VCPIP1: variants seen among roughly 807,000 people sequenced by gnomAD.
VCPIP1 encodes the protein deubiquitinating protein VCPIP1.
In VCPIP1, 8 loss-of-function variants were observed where a neutral mutation model predicts 85.0. The observed-to-expected ratio is 0.09, with a 90% CI of 0.06 to 0.17. The LOEUF (loss-of-function observed/expected upper bound fraction) is 0.17, where lower values mean the gene tolerates loss of function less well. Among genes scored for constraint, VCPIP1 ranks in the 10% least tolerant of loss-of-function variants. VCPIP1 has a pLI of 1.00. For missense variants in VCPIP1, 1,070 were observed against 1,486.3 expected, an observed-to-expected ratio of 0.72 and a Z score of 4.61; for synonymous variants, 543 against 544.5, an observed-to-expected ratio of 1.00 and a Z score of 0.04.
Position 66,666,395 on chromosome 8 carries a change from G to A in VCPIP1, c.564C>T (p.Leu188=), listed in dbSNP as rs753212420. The part of the protein sequence containing the change: ...VGYGKDRSGS[L]LYLHDTLEDI... ...CCTCCAGAGTGTCATGCAAATACAG[G>A]AGGCTTCCGGAGCGGTCCTTGCCAT... Residue 188 remains leucine, a synonymous_variant, in exon 1 of 3, where the codon CTC becomes CTT. Transcript: ENST00000310421. This position sits in a 1 kb window ranked among gnomAD's most constrained non-coding sequence, Gnocchi z 6.3. The A allele has an allele frequency of 6.2e-7, 1 of 1,614,108 alleles. No individual in the cohort carries two copies. The highest frequency in any genetic ancestry group is 2.2e-5 in the East Asian group (1 of 44,878).
intron 1 of VCPIP1, among the ~76,000 whole-genome samples, chr8:66,660,937 G>A (rs1811150023): frequency 6.6e-6 from 1 of 151,994 alleles, no homozygotes; most frequent in African/African-American, 2.4e-5. Context: ...CAGCTACTTG[G>A]GAGGCTGAGG....
At chr8:66,659,739 T>A (rs945737496) in intron 1 of VCPIP1, among the ~76,000 whole-genome samples, 1 of 152,032 alleles carries the variant, frequency 6.6e-6, no homozygotes, top group South Asian at 2.1e-4. Flanking sequence ...GAGACCAGCA[T>A]GGGCAACGTG....
Position 66,665,327 on chromosome 8 carries a change from T to C in VCPIP1, c.1632A>G (p.Thr544=), listed in dbSNP as rs748607906. 1.9e-6 allele frequency: 3 copies of C among 1,613,878 alleles called. No individual in the cohort carries two copies. The highest frequency in any genetic ancestry group is 1.7e-5 in the Admixed American group (1 of 59,982). The change falls in exon 1 of 3, where the codon ACA becomes ACG. Residue 544 remains threonine (T), a synonymous_variant. Transcript: ENST00000310421. This position sits in a 1 kb window ranked among gnomAD's most constrained non-coding sequence, Gnocchi z 4.3. The part of the protein sequence containing the change: ...NLTACNWCHG[T]SVRKVRGDGS... ...CATCTCCTCTGACCTTTCGCACAGATGTGCCATGGCACCAATTACAAGCTG... is the reference window on the plus strand; with the variant it reads ...CATCTCCTCTGACCTTTCGCACAGACGTGCCATGGCACCAATTACAAGCTG...
rs1811225141 is a variant in VCPIP1, at chr8:66,667,019, G to C, written c.-61C>G. Reference sequence around the variant, plus strand: ...GCGACCCTCAAAAGCTCATAGCCCAGACCCCCACCAACCCGACTCGGTCCA... The same window carrying C: ...GCGACCCTCAAAAGCTCATAGCCCACACCCCCACCAACCCGACTCGGTCCA... On this transcript the variant is annotated 5_prime_UTR_variant, in exon 1 of 3. Coordinates refer to ENST00000310421, the MANE Select transcript of VCPIP1 (RefSeq NM_025054.5). The C allele has an allele frequency of 6.9e-7, 1 of 1,450,174 alleles. No individual in the cohort carries two copies. The highest frequency in any genetic ancestry group is 9.0e-7 in the Non-Finnish European group (1 of 1,105,588). 89.8% of individuals were successfully genotyped at this position (1,450,174 alleles called of 1,614,324 possible).
chr8:66,645,275 G>A (rs1397416848), intron 2 of VCPIP1, among the ~76,000 whole-genome samples: 2 of 151,998 alleles, frequency 1.3e-5, no homozygotes, highest in African/African-American at 4.8e-5. Context: ...AAAATTAGCT[G>A]GGCATTGTTG....
chr8:66,657,772 G>C (rs1394887955), intron 1 of VCPIP1, among the ~76,000 whole-genome samples: 1 of 152,000 alleles, frequency 6.6e-6, no homozygotes, highest in Admixed American at 6.6e-5. Context: ...ACATTATATT[G>C]TAATTGAAAA....
intron 2 of VCPIP1, among the ~76,000 whole-genome samples, chr8:66,639,126 G>A (rs1053300845): frequency 2.0e-5 from 3 of 150,352 alleles, no homozygotes; most frequent in African/African-American, 7.4e-5. Context: ...CTGAGACTAC[G>A]GGCACATGCC....
At chr8:66,642,673 G>A (rs1045021970) in intron 2 of VCPIP1, among the ~76,000 whole-genome samples, 9 of 152,116 alleles carry the variant, frequency 5.9e-5, no homozygotes, top group African/African-American at 2.2e-4. Flanking sequence ...AGGACCACTT[G>A]TTGAAAAGAC....
chr8:66,649,124 C>T (rs1811027517), intron 2 of VCPIP1, among the ~76,000 whole-genome samples: 1 of 151,922 alleles, frequency 6.6e-6, no homozygotes, highest in Non-Finnish European at 1.5e-5. Flanking sequence ...GAGTCACGAT[C>T]ATACCAGTGC....
chr8:66,638,429 G>C (rs1177512919), intron 2 of VCPIP1, among the ~76,000 whole-genome samples: 5 of 148,438 alleles, frequency 3.4e-5, no homozygotes, highest in South Asian at 2.1e-4. Context: ...TGAGGCTGCA[G>C]GAAGTTGTGA....
chr8:66,633,679 T>C lies in VCPIP1; in HGVS notation c.*822A>G, dbSNP rs1810855655. 2 of 152,096 alleles carry C rather than the reference T, an allele frequency of 1.3e-5. No homozygotes were observed. The highest frequency in any genetic ancestry group is 2.9e-5 in the Non-Finnish European group (2 of 67,998). The allele number at this position is 152,096 out of a possible 1,614,324, so 9.4% of individuals were successfully genotyped here. A position where few individuals can be genotyped will look rare whatever the true frequency, so the allele number is the denominator to read the frequency against. On this transcript the variant is annotated 3_prime_UTR_variant, in exon 3 of 3. Coordinates refer to ENST00000310421, the MANE Select transcript of VCPIP1 (RefSeq NM_025054.5). The stretch of plus-strand genomic sequence containing the variant: ...ACTCATTCATAAAGATAAACTCTTA[T>C]TTATAAATTCTCTACTGCTACCATT...
Position 66,666,897 on chromosome 8 carries a change from G to A in VCPIP1, c.62C>T (p.Pro21Leu), listed in dbSNP as rs781413886. Residue 21 changes from proline (P) to leucine (L), a missense_variant, in exon 1 of 3, where the codon CCA (proline) becomes CTA (leucine). Physicochemically the swap from Pro to Leu is moderately conservative, Grantham distance 98. Coordinates refer to ENST00000310421, the MANE Select transcript of VCPIP1 (RefSeq NM_025054.5). The surrounding 1 kb of genome is among the most constrained non-coding windows in gnomAD (Gnocchi z 6.3). ...LPPPPPPPEA[P>L]QTPSSLASAA... is the part of the protein sequence containing the mutation. The stretch of plus-strand genomic sequence containing the variant: ...CGACGCCAAGGACGACGGAGTCTGT[G>A]GAGCCTCAGGGGGAGGAGGTGGCGG... The A allele has an allele frequency of 1.9e-6, 3 of 1,607,808 alleles. No homozygotes were observed. In the South Asian group the frequency reaches 3.3e-5, roughly 18 times the overall value.
Position 66,635,102 on chromosome 8 carries a change from G to A in VCPIP1, c.3068C>T (p.Thr1023Ile), listed in dbSNP as rs1456473511. ...AGAATGCCCTTTTCCCTGAAAGGCAGTTACGTTATGAAGTTGCTCAGATTT... is the reference window on the plus strand; with the variant it reads ...AGAATGCCCTTTTCCCTGAAAGGCAATTACGTTATGAAGTTGCTCAGATTT... ...KKKSEQLHNV[T>I]AFQGKGHSLG... is the part of the protein sequence containing the mutation. Residue 1023 changes from threonine (T) to isoleucine (I), a missense_variant, in exon 3 of 3, where the codon ACT (threonine) becomes ATT (isoleucine). Physicochemically the swap from Thr to Ile is moderately conservative, Grantham distance 89 (BLOSUM62 -1). Coordinates refer to ENST00000310421, the MANE Select transcript of VCPIP1 (RefSeq NM_025054.5). The A allele has an allele frequency of 1.2e-6, 2 of 1,614,072 alleles. No individual in the cohort carries two copies. The highest frequency in any genetic ancestry group is 1.7e-5 in the Admixed American group (1 of 59,998).
chr8:66,653,758 T>A (rs1045710141), intron 1 of VCPIP1, among the ~76,000 whole-genome samples: 2 of 152,184 alleles, frequency 1.3e-5, no homozygotes, highest in African/African-American at 4.8e-5. Flanking sequence ...TATCTCCCCC[T>A]AAGGAGCCTT....
At chr8:66,645,072 C>T (rs554262033) in intron 2 of VCPIP1, among the ~76,000 whole-genome samples, 137 of 147,974 alleles carry the variant, frequency 9.3e-4, no homozygotes, top group Admixed American at 2.6e-3. Context: ...GCTAAGATTG[C>T]GCCACTGCAC....
intron 1 of VCPIP1, among the ~76,000 whole-genome samples, chr8:66,653,228 A>G (rs1047631461): frequency 6.6e-6 from 1 of 150,870 alleles, no homozygotes; most frequent in South Asian, 2.1e-4. Context: ...TTTAATATTA[A>G]TAAGAGTCCA....
At chr8:66,648,526 A>AATCTAATCT (rs947784198) in intron 2 of VCPIP1, among the ~76,000 whole-genome samples, 15 of 144,542 alleles carry the variant, frequency 1.0e-4, no homozygotes, top group African/African-American at 3.8e-4. Flanking sequence ...CTATGTATCT[A>AATCTAATCT]ATCTATCTAT....
In VCPIP1 at chr8:66,632,412, T is replaced by A. The variant is rs950297705; in HGVS notation, c.*2089A>T. ...AAACTATTACTGTACTATTCATACC[T>A]AACTGGCTTTTAAATAGCATTGCTG... On this transcript the variant is annotated 3_prime_UTR_variant, in exon 3 of 3. Coordinates refer to ENST00000310421, the MANE Select transcript of VCPIP1 (RefSeq NM_025054.5). The A allele has an allele frequency of 6.6e-6, 1 of 152,118 alleles. No homozygotes were observed. Among genetic ancestry groups the A allele is most frequent in the Non-Finnish European group, 1.5e-5 (1 of 67,940 alleles). The allele number at this position is 152,118 out of a possible 1,614,324, so 9.4% of individuals were successfully genotyped here. A position where few individuals can be genotyped will look rare whatever the true frequency, so the allele number is the denominator to read the frequency against.
At chr8:66,648,407 C>G (rs746030388) in intron 2 of VCPIP1, among the ~76,000 whole-genome samples, 1 of 150,896 alleles carries the variant, frequency 6.6e-6, no homozygotes, top group Non-Finnish European at 1.5e-5. Flanking sequence ...GTCTATCTAT[C>G]TAATCTAATC....
Sources: allele counts gnomAD v4.1 joint callset (sites outside exome capture counted in the v4.1 genomes callset), GRCh38; gene constraint gnomAD v4.1.1; non-coding constraint Gnocchi (gnomAD v3.1); transcripts MANE v1.5; gene names NCBI Gene and HGNC (gene_info 2026-07-23, HGNC 2026-07-21).